The following MADCAM1 variants were observed in gnomAD, a reference collection of about 807,000 sequenced individuals.
The protein encoded by MADCAM1 is mucosal vascular addressin cell adhesion molecule 1.
Under a neutral mutation model 26.1 loss-of-function variants are expected in MADCAM1, and 19 were observed. The observed-to-expected ratio is 0.73, with a 90% CI of 0.51 to 1.07. The LOEUF is 1.07. Ranked by LOEUF, MADCAM1 falls within the 50% of genes least tolerant of loss-of-function variation. The pLI is 0.00. For synonymous variants in MADCAM1, 268 were observed against 260.9 expected, an observed-to-expected ratio of 1.03 and a Z score of -0.26; for missense variants, 514 against 542.1, an observed-to-expected ratio of 0.95 and a Z score of 0.51.
At position 497,898 on chromosome 19, in the gene MADCAM1, G is replaced by C; in HGVS notation, c.118G>C (p.Gly40Arg). The C allele has an allele frequency of 7.3e-7, 1 of 1,366,634 alleles. No homozygotes were observed. The highest frequency in any genetic ancestry group is 9.4e-7 in the Non-Finnish European group (1 of 1,067,326). The allele number at this position is 1,366,634 out of a possible 1,614,324, so 84.7% of individuals were successfully genotyped here. ...PPEPVVAVAL[G>R]ASRQLTCRLA... The stretch of plus-strand genomic sequence containing the variant: ...GGAGCCGGTGGTGGCCGTGGCCTTG[G>C]GCGCCTCGCGCCAGCTCACCTGCCG... Residue 40 changes from glycine (G) to arginine (R), a missense_variant, in exon 2 of 5, where the codon GGC (glycine) becomes CGC (arginine). Around this residue, in one of 3 missense-constraint regions of MADCAM1, gnomAD observed 317 missense variants for 313.6 expected, o/e 1.01. Coordinates refer to ENST00000215637, the MANE Select transcript of MADCAM1 (RefSeq NM_130760.3).
At position 504,979 on chromosome 19, in the gene MADCAM1, C is replaced by T. The variant is rs547863186; in HGVS notation, c.*14C>T. The T allele has an allele frequency of 2.6e-6, 4 of 1,567,362 alleles. No homozygotes were observed. Among genetic ancestry groups the T allele is most frequent in the East Asian group, 2.3e-5 (1 of 43,592 alleles). ...AGCCCCTCCTGAGTGGCCAGCCTTT[C>T]CCCCTGTGAAAGCAAAATAGCTTGG... On this transcript the variant is annotated 3_prime_UTR_variant, in exon 5 of 5. Coordinates refer to ENST00000215637, the MANE Select transcript of MADCAM1 (RefSeq NM_130760.3).
At chr19:504,712 C>A in intron 4 of MADCAM1, 33 bp from the exon 5 acceptor site, 1 of 1,528,360 alleles carries the variant, frequency 6.5e-7, no homozygotes, top group Non-Finnish European at 9.0e-7. Context: ...GCCTGGAGGG[C>A]TCTGACCGGG....
At position 498,425 on chromosome 19, in the gene MADCAM1, G is replaced by A. The variant is rs1156318934; in HGVS notation, c.338-71G>A. The A allele has an allele frequency of 1.0e-5, 14 of 1,389,772 alleles. No individual in the cohort carries two copies. The East Asian group carries it at 2.8e-4, about 28-fold the overall frequency. 86.1% of individuals were successfully genotyped at this position (1,389,772 alleles called of 1,614,324 possible). A position where few individuals can be genotyped will look rare whatever the true frequency, so the allele number is the denominator to read the frequency against. ...CTTGGCCCCAGCTCCAAGCCCCTCC[G>A]GGCTCCGGCCCCTCCATCACGTCCA... On this transcript the variant is annotated intron_variant, in intron 2 of 4. Transcript: ENST00000215637.
intron 4 of MADCAM1, among the ~76,000 whole-genome samples, chr19:503,473 C>T (rs1455158819): frequency 2.1e-5 from 3 of 139,980 alleles, no homozygotes; most frequent in Admixed American, 7.6e-5. Context: ...CCCAGCTACT[C>T]GGGAGGCTGA....
chr19:500,012 G>GGGGGA, intron 3 of MADCAM1: 1 of 440,724 alleles, frequency 2.3e-6, no homozygotes, highest in South Asian at 1.6e-5. Context: ...GCTGGGGTGG[G>GGGGGA]CAGAGAGGAG....
At chr19:497,812 C>G in intron 1 of MADCAM1, 21 bp from the exon 2 acceptor site, 1 of 1,268,432 alleles carries the variant, frequency 7.9e-7, no homozygotes, top group Non-Finnish European at 9.9e-7. Flanking sequence ...CGGGGCTGAG[C>G]GAGAGCCGCG....
At position 504,720 on chromosome 19, in the gene MADCAM1, G is replaced by A. The variant is rs766007939; in HGVS notation, c.929-25G>A. 8.7e-5 allele frequency: 135 copies of A among 1,559,242 alleles called. No homozygotes were observed. The Admixed American group carries it at 1.9e-3, about 22-fold the overall frequency. ...TGCAGAGGCCTGGAGGGCTCTGACC[G>A]GGGTCTCCTGCACTCTCTCCCCAGC... On this transcript the variant is annotated intron_variant, in intron 4 of 4. Transcript: ENST00000215637.
Position 501,881 on chromosome 19 carries a change from G to A in MADCAM1, c.880G>A (p.Glu294Lys), listed in dbSNP as rs1358986727. The A allele has an allele frequency of 1.9e-6, 3 of 1,542,814 alleles. No homozygotes were observed. Among genetic ancestry groups the A allele is most frequent in the Non-Finnish European group, 2.6e-6 (3 of 1,142,716 alleles). Residue 294 changes from glutamate (E) to lysine (K), a missense_variant, in exon 4 of 5, where the codon GAG (glutamate) becomes AAG (lysine). Physicochemically the swap from Glu to Lys is moderately conservative, Grantham distance 56 (BLOSUM62 1). Transcript: ENST00000215637. ...AGGCTCCACCAGGACTCGCCGCCCT[G>A]AGATCTCCCAGGCTGGGCCCACGCA... ...SPGSTRTRRP[E>K]ISQAGPTQGE...
At position 504,260 on chromosome 19, in the gene MADCAM1, T is replaced by A. The variant is rs990635845; in HGVS notation, c.929-485T>A. 1.8e-3 allele frequency among the ~76,000 whole-genome samples: 242 copies of A among 138,144 alleles called. 3 individuals are homozygous for A. The highest frequency in any genetic ancestry group is 2.9e-3 in the Non-Finnish European group (183 of 63,212). The allele number at this position is 138,144 out of a possible 152,430, so 90.6% of individuals were successfully genotyped here. A position where few individuals can be genotyped will look rare whatever the true frequency, so the allele number is the denominator to read the frequency against. On this transcript the variant is annotated intron_variant, in intron 4 of 4. Transcript: ENST00000215637. ...CGTCCTCTCTCCGGTCTGCCCTTTT[T>A]TTTTTTTTTTTTTTTTTTTGAGAGA... is the stretch of plus-strand genomic sequence containing the variant.
Position 497,833 on chromosome 19 carries a change from G to T in MADCAM1, c.53G>T (p.Gly18Val), listed in dbSNP as rs1022135851. ...LLAGLLGLLL[G>V]QSLQVKPLQV... ...TGAGCGAGAGCCGCGGTCGCCGCAG[G>T]CCAGTCCCTCCAGGTGAAGCCCCTG... is the stretch of plus-strand genomic sequence containing the variant. The change falls in exon 2 of 5, where the codon GGC becomes GTC. Residue 18 changes from glycine to valine, a missense_variant and splice_region_variant. Transcript: ENST00000215637. 5.4e-6 allele frequency: 7 copies of T among 1,302,210 alleles called. No homozygotes were observed. The highest frequency in any genetic ancestry group is 5.8e-6 in the Non-Finnish European group (6 of 1,030,322). 80.7% of individuals were successfully genotyped at this position (1,302,210 alleles called of 1,614,324 possible).
chr19:500,178 C>T (rs1259631962), intron 3 of MADCAM1: 4 of 456,190 alleles, frequency 8.8e-6, no homozygotes, highest in Non-Finnish European at 1.8e-5. Context: ...CGTCCACAGC[C>T]CATCATAATA....
In MADCAM1 at chr19:505,253, A is replaced by G; in HGVS notation, c.*288A>G. The G allele has an allele frequency of 2.8e-6, 1 of 351,842 alleles. No homozygotes were observed. The highest frequency in any genetic ancestry group is 5.2e-6 in the Non-Finnish European group (1 of 193,818). The allele number at this position is 351,842 out of a possible 1,614,324, so 21.8% of individuals were successfully genotyped here. A position where few individuals can be genotyped will look rare whatever the true frequency, so the allele number is the denominator to read the frequency against. Reference sequence around the variant, plus strand: ...GATTCATGTCTCACGTCTCCCTAAAAATGCGTAAGACCAAGCTGTGCCCTG... The same window carrying G: ...GATTCATGTCTCACGTCTCCCTAAAGATGCGTAAGACCAAGCTGTGCCCTG... On this transcript the variant is annotated 3_prime_UTR_variant, in exon 5 of 5. Transcript: ENST00000215637.
At chr19:497,046 A>G (rs1600382613) in intron 1 of MADCAM1, among the ~76,000 whole-genome samples, 1 of 4,808 alleles carries the variant, frequency 2.1e-4, no homozygotes, top group Non-Finnish European at 4.7e-4. Context: ...GGGGCTCAGG[A>G]GAGAGGAGGG....
At chr19:502,527 C>A (rs1471491599) in intron 4 of MADCAM1, among the ~76,000 whole-genome samples, 1 of 152,080 alleles carries the variant, frequency 6.6e-6, no homozygotes, top group African/African-American at 2.4e-5. Flanking sequence ...GTCTCCAACT[C>A]CTGACCTGAG....
At position 498,497 on chromosome 19, in the gene MADCAM1, C is replaced by T; in HGVS notation, c.339C>T (p.Ala113=). Residue 113 remains alanine, a splice_region_variant and synonymous_variant, in exon 3 of 5, where the codon GCC becomes GCT. Coordinates refer to ENST00000215637, the MANE Select transcript of MADCAM1 (RefSeq NM_130760.3). ...FQHTVQLLVY[A]FPDQLTVSPA... ...CTCACCCCCGACCCTCCATCACAGC[C>T]TTCCCGGACCAGCTGACCGTCTCCC... 6.8e-7 allele frequency: 1 copy of T among 1,464,310 alleles called. No individual in the cohort carries two copies. The highest frequency in any genetic ancestry group is 1.5e-5 in the South Asian group (1 of 66,622). 90.7% of individuals were successfully genotyped at this position (1,464,310 alleles called of 1,614,324 possible). A position where few individuals can be genotyped will look rare whatever the true frequency, so the allele number is the denominator to read the frequency against.
intron 4 of MADCAM1, among the ~76,000 whole-genome samples, chr19:502,149 C>T (rs1276333126): frequency 2.0e-5 from 3 of 152,202 alleles, no homozygotes; most frequent in African/African-American, 7.2e-5. Flanking sequence ...GCCTCAGTTT[C>T]CTTGTCTGTC....
chr19:501,951 C>A, intron 4 of MADCAM1, 22 bp downstream of exon 4: 2 of 1,397,234 alleles, frequency 1.4e-6, no homozygotes, highest in Non-Finnish European at 1.9e-6. Flanking sequence ...TCCCTGGGGG[C>A]AGGGAGGGTG....
intron 4 of MADCAM1, among the ~76,000 whole-genome samples, chr19:502,960 A>C (rs944661384): frequency 6.6e-6 from 1 of 152,212 alleles, no homozygotes; most frequent in Non-Finnish European, 1.5e-5. Flanking sequence ...AACATTTCCA[A>C]ATAAGGAAGG....
chr19:499,393 T>C, intron 3 of MADCAM1: 1 of 455,576 alleles, frequency 2.2e-6, no homozygotes, highest in South Asian at 1.6e-5. Flanking sequence ...TGTACAAACA[T>C]AGGCACACAA....
Sources: allele counts gnomAD v4.1 joint callset (sites outside exome capture counted in the v4.1 genomes callset), GRCh38; gene constraint gnomAD v4.1.1; regional missense constraint gnomAD v4.1.1; transcripts MANE v1.5; gene names NCBI Gene and HGNC (gene_info 2026-07-23, HGNC 2026-07-21).